Variants in KLF12 observed in about 807,000 individuals in gnomAD.
KLF12 encodes the protein Krueppel-like factor 12.
A neutral mutation model predicts 37.8 loss-of-function variants in KLF12; 9 were observed. The observed-to-expected ratio is 0.24, with a 90% CI of 0.14 to 0.42. The LOEUF (loss-of-function observed/expected upper bound fraction) is 0.42. Ranked by LOEUF, KLF12 falls within the 10% of genes least tolerant of loss-of-function variation. The probability of loss-of-function intolerance (pLI) is 1.00; values close to 1 mark genes in which losing one functional copy is unlikely to be tolerated. For missense variants in KLF12, 411 were observed against 516.0 expected (o/e 0.80, Z 1.97); for synonymous variants, 208 against 202.1 (o/e 1.03, Z -0.25).
At chr13:74,002,632 T>G (rs1225704079) in intron 1 of KLF12, among the ~76,000 whole-genome samples, 1 of 152,158 alleles carries the variant, frequency 6.6e-6, no homozygotes, top group Non-Finnish European at 1.5e-5. Context: ...GCTCCCAAAG[T>G]GCTGGGATTA....
intron 3 of KLF12, among the ~76,000 whole-genome samples, chr13:73,879,577 G>A (rs1340803617): frequency 6.6e-6 from 1 of 152,228 alleles, no homozygotes; most frequent in African/African-American, 2.4e-5. Flanking sequence ...AAAATGTCCT[G>A]AAGACAAGGG....
At chr13:73,708,098 T>C (rs1875085538) in intron 7 of KLF12, among the ~76,000 whole-genome samples, 1 of 152,212 alleles carries the variant, frequency 6.6e-6, no homozygotes, top group African/African-American at 2.4e-5. Context: ...GGGAAGATCA[T>C]ACTCTGGAAA....
chr13:74,118,414 T>G (rs1432769509), intron 1 of KLF12, among the ~76,000 whole-genome samples: 1 of 152,214 alleles, frequency 6.6e-6, no homozygotes, highest in African/African-American at 2.4e-5. Context: ...TTTGTTACAT[T>G]GTTAAATAAA....
chr13:74,102,676 C>T (rs1248495003), intron 1 of KLF12, among the ~76,000 whole-genome samples: 5 of 150,934 alleles, frequency 3.3e-5, no homozygotes, highest in Admixed American at 3.3e-4. Flanking sequence ...CCAGCCTGGG[C>T]AACATAGTGA....
At chr13:73,892,572 G>T (rs532883942) in intron 3 of KLF12, among the ~76,000 whole-genome samples, 1 of 152,112 alleles carries the variant, frequency 6.6e-6, no homozygotes, top group East Asian at 1.9e-4. Context: ...CTCTTATTTT[G>T]CTTAAGGTTG....
intron 6 of KLF12, among the ~76,000 whole-genome samples, chr13:73,754,344 T>C (rs1215136361): frequency 1.3e-5 from 2 of 152,160 alleles, no homozygotes; most frequent in Non-Finnish European, 2.9e-5. Context: ...TGCTGCTACG[T>C]TTGTTTTTAG....
intron 2 of KLF12, among the ~76,000 whole-genome samples, chr13:73,952,517 C>A (rs1890683676): frequency 1.3e-5 from 2 of 152,132 alleles, no homozygotes; most frequent in Admixed American, 6.5e-5. Context: ...CCACCTTCAA[C>A]AATAAGGTTA....
chr13:74,009,102 A>AG (rs1174841750), intron 1 of KLF12, among the ~76,000 whole-genome samples: 2 of 152,218 alleles, frequency 1.3e-5, no homozygotes, highest in Non-Finnish European at 2.9e-5. Context: ...GAAGGTGAGT[A>AG]GAGAGGATTT....
chr13:73,957,015 A>AGAAAGGAAAGGAAAG lies in KLF12; in HGVS notation c.34-12960_34-12946dup, dbSNP rs71115626. Among the ~76,000 whole-genome samples, 86 of 87,454 alleles carry AGAAAGGAAAGGAAAG rather than the reference A, an allele frequency of 9.8e-4. 2 individuals carry two copies. Among genetic ancestry groups the AGAAAGGAAAGGAAAG allele is most frequent in the South Asian group, 2.0e-3 (5 of 2,472 alleles). 57.4% of individuals were successfully genotyped at this position (87,454 alleles called of 152,430 possible). On this transcript the variant is annotated intron_variant, in intron 2 of 7. Coordinates refer to ENST00000377669, the MANE Select transcript of KLF12 (RefSeq NM_007249.5). ...GGGAAAGGAGGGAAAGGAAAGGAAA[A>AGAAAGGAAAGGAAAG]GAAAGGAAAGGAAAGGAAAGGAAAG...
At chr13:73,810,083 A>G (rs144801157) in intron 5 of KLF12, among the ~76,000 whole-genome samples, 4 of 152,232 alleles carry the variant, frequency 2.6e-5, no homozygotes, top group African/African-American at 7.2e-5. Flanking sequence ...TGTCTCTACA[A>G]AAAATACAAA....
At chr13:73,721,590 T>C (rs1195366609) in intron 6 of KLF12, among the ~76,000 whole-genome samples, 2 of 152,228 alleles carry the variant, frequency 1.3e-5, no homozygotes, top group African/African-American at 4.8e-5. Context: ...ACTCATTCTG[T>C]TGCCCAAGCT....
At chr13:74,038,957 CA>C (rs930794258) in intron 1 of KLF12, among the ~76,000 whole-genome samples, 26 of 145,288 alleles carry the variant, frequency 1.8e-4, no homozygotes, top group Non-Finnish European at 3.0e-4. Flanking sequence ...CTATAACTAG[CA>C]AAAAAAAAAT....
In KLF12 at chr13:73,816,494, G is replaced by A. The variant is rs561575379; in HGVS notation, c.671-3207C>T. 8.5e-5 allele frequency among the ~76,000 whole-genome samples: 13 copies of A among 152,318 alleles called. No homozygotes were observed. The South Asian group carries it at 1.9e-3, about 22-fold the overall frequency. ...AGTTGGAGGTGTTCTGGAATCCTAC[G>A]TGAGTTTCATTCCATGTGTCAAAAT... On this transcript the variant is annotated intron_variant, in intron 4 of 7. Coordinates refer to ENST00000377669, the MANE Select transcript of KLF12 (RefSeq NM_007249.5).
chr13:74,224,342 C>T, the KLF12 span, among the ~76,000 whole-genome samples: 1 of 152,260 alleles, frequency 6.6e-6, no homozygotes, highest in South Asian at 2.1e-4. Flanking sequence ...CTCAGATCCT[C>T]TATTCTAGGA....
chr13:73,949,289 T>C (rs967993282), intron 2 of KLF12, among the ~76,000 whole-genome samples: 9 of 152,300 alleles, frequency 5.9e-5, no homozygotes, highest in East Asian at 5.8e-4. Flanking sequence ...AACAGAGACA[T>C]TGTGGAATCT....
chr13:73,783,112 A>G (rs73531624), intron 5 of KLF12, among the ~76,000 whole-genome samples: 2,845 of 152,296 alleles, frequency 0.019, 86 homozygotes, highest in African/African-American at 0.062. Context: ...AATGACCAAT[A>G]TAAGGGTTGA....
chr13:73,953,414 C>CA (rs1381561231), intron 2 of KLF12, among the ~76,000 whole-genome samples: 14 of 151,550 alleles, frequency 9.2e-5, no homozygotes, highest in Admixed American at 8.5e-4. Context: ...TTATCAAAAC[C>CA]AAAAAACAAA....
chr13:73,731,804 T>C (rs1033182671), intron 6 of KLF12, among the ~76,000 whole-genome samples: 3 of 152,168 alleles, frequency 2.0e-5, no homozygotes, highest in Admixed American at 2.0e-4. Flanking sequence ...GTTTTACATA[T>C]GAGAATAGCT....
At chr13:74,178,738 C>A in the KLF12 span, among the ~76,000 whole-genome samples, 3 of 152,118 alleles carry the variant, frequency 2.0e-5, no homozygotes, top group Non-Finnish European at 4.4e-5. Context: ...CTCTATGGAC[C>A]CCAATCTATA....
Sources: gnomAD v4.1 joint callset for allele counts (sites outside exome capture counted in the v4.1 genomes callset) on GRCh38, gnomAD v4.1.1 for gene constraint, MANE v1.5 for transcripts, NCBI Gene and HGNC (gene_info 2026-07-23, HGNC 2026-07-21) for gene names.